ODAD2: variants seen among roughly 807,000 people sequenced by gnomAD.
ODAD2 encodes the protein outer dynein arm-docking complex subunit 2.
ODAD2 carries 89 observed loss-of-function variants against 106.8 expected under a neutral mutation model. That is an observed-to-expected ratio of 0.83 (90% confidence interval 0.70 to 0.99). ODAD2 has a LOEUF of 0.99. ODAD2 is among the 50% of genes least tolerant of loss of function. The probability of loss-of-function intolerance (pLI) is 0.00; values close to 1 mark genes in which losing one functional copy is unlikely to be tolerated. For missense variants in ODAD2, 1,168 were observed against 1,238.5 expected (o/e 0.94, Z 0.85); for synonymous variants, 404 against 436.2 (o/e 0.93, Z 0.92).
At chr10:27,985,535 C>G (rs1849825432) in intron 3 of ODAD2, among the ~76,000 whole-genome samples, 1 of 152,096 alleles carries the variant, frequency 6.6e-6, no homozygotes, top group African/African-American at 2.4e-5. Context: ...TCAATTAATA[C>G]ATTCAGAATT....
At chr10:27,966,871 T>A (rs983132455) in intron 9 of ODAD2, among the ~76,000 whole-genome samples, 1 of 150,906 alleles carries the variant, frequency 6.6e-6, no homozygotes, top group Non-Finnish European at 1.5e-5. Context: ...ATCTGGATAT[T>A]GTATATAAAA....
intron 16 of ODAD2, among the ~76,000 whole-genome samples, chr10:27,918,893 TG>T (rs1190539173): frequency 6.7e-6 from 1 of 149,852 alleles, no homozygotes; most frequent in Non-Finnish European, 1.5e-5. Context: ...AAATTAATTA[TG>T]TATCCATTAC....
At chr10:27,910,508 C>T (rs1332743104) in intron 16 of ODAD2, among the ~76,000 whole-genome samples, 2 of 152,150 alleles carry the variant, frequency 1.3e-5, no homozygotes, top group African/African-American at 4.8e-5. Flanking sequence ...GTAATCCTAA[C>T]ACTTTGGGAG....
At chr10:27,906,400 T>TA (rs1843590153) in intron 17 of ODAD2, among the ~76,000 whole-genome samples, 3 of 152,306 alleles carry the variant, frequency 2.0e-5, no homozygotes, top group Admixed American at 2.0e-4. Flanking sequence ...GGAATGCTTT[T>TA]ACACTGTTGG....
At chr10:27,821,982 G>T (rs2132873573) in intron 19 of ODAD2, among the ~76,000 whole-genome samples, 1 of 152,262 alleles carries the variant, frequency 6.6e-6, no homozygotes, top group South Asian at 2.1e-4. Flanking sequence ...TAACTGCACA[G>T]AGCACTTTAA....
intron 3 of ODAD2, among the ~76,000 whole-genome samples, chr10:27,986,279 G>A (rs912012578): frequency 6.6e-6 from 1 of 152,152 alleles, no homozygotes; most frequent in African/African-American, 2.4e-5. Flanking sequence ...GCATAAACCT[G>A]ACTACCAAAT....
intron 16 of ODAD2, among the ~76,000 whole-genome samples, chr10:27,909,592 C>A (rs1843846435): frequency 1.3e-5 from 2 of 151,912 alleles, no homozygotes; most frequent in South Asian, 4.1e-4. Context: ...CGAAGGCAGG[C>A]AGATCACTTG....
intron 10 of ODAD2, among the ~76,000 whole-genome samples, chr10:27,947,131 G>A (rs192287760): frequency 1.1e-3 from 169 of 152,144 alleles, no homozygotes; most frequent in African/African-American, 3.6e-3. Context: ...AAAAGTTACC[G>A]CCACCAATAC....
intron 19 of ODAD2, among the ~76,000 whole-genome samples, chr10:27,848,510 A>T (rs2133197521): frequency 6.7e-6 from 1 of 148,456 alleles, no homozygotes; most frequent in Admixed American, 6.8e-5. Flanking sequence ...CAAGGACTTC[A>T]TGTCTAAAAC....
chr10:27,965,708 C>T (rs1347141552), intron 9 of ODAD2, among the ~76,000 whole-genome samples: 3 of 152,158 alleles, frequency 2.0e-5, no homozygotes, highest in African/African-American at 7.2e-5. Context: ...TATTGACACC[C>T]TACACAGTGC....
intron 17 of ODAD2, among the ~76,000 whole-genome samples, chr10:27,882,500 C>T (rs954976542): frequency 1.4e-4 from 22 of 152,076 alleles, no homozygotes; most frequent in Non-Finnish European, 2.8e-4. Context: ...ATCTTATCCT[C>T]CATAACAAAA....
intron 19 of ODAD2, among the ~76,000 whole-genome samples, chr10:27,856,363 T>C (rs1289238475): frequency 6.6e-6 from 1 of 152,178 alleles, no homozygotes; most frequent in East Asian, 1.9e-4. Context: ...TGTTGACCTC[T>C]TACCAGTATT....
At chr10:27,992,377 G>T (rs1187510665) in intron 2 of ODAD2, among the ~76,000 whole-genome samples, 1 of 152,156 alleles carries the variant, frequency 6.6e-6, no homozygotes, top group Non-Finnish European at 1.5e-5. Flanking sequence ...CTTCTCAGGA[G>T]GGAACACTGT....
At chr10:27,867,116 T>C (rs568728499) in intron 17 of ODAD2, among the ~76,000 whole-genome samples, 46 of 152,122 alleles carry the variant, frequency 3.0e-4, no homozygotes, top group South Asian at 1.5e-3. Flanking sequence ...TACACCATAG[T>C]AGGTGAACAA....
At chr10:27,985,347 T>G (rs1849815781) in intron 3 of ODAD2, 136 bp from the exon 4 acceptor site, 1 of 691,570 alleles carries the variant, frequency 1.4e-6, no homozygotes, top group Admixed American at 3.1e-5. Flanking sequence ...AACGACCCAA[T>G]TAGAATTCAT....
Position 27,872,953 on chromosome 10 carries a change from C to T in ODAD2, c.2611-10331G>A, listed in dbSNP as rs576597631. ...ATGGTCCCCGCTCCTCCTTGTACTTCTGGTAGCATTCGGCTATGAATCCCT... is the reference window on the plus strand; with the variant it reads ...ATGGTCCCCGCTCCTCCTTGTACTTTTGGTAGCATTCGGCTATGAATCCCT... On this transcript the variant is annotated intron_variant, in intron 17 of 19. Transcript: ENST00000305242. 2.8e-4 allele frequency among the ~76,000 whole-genome samples: 43 copies of T among 152,266 alleles called. No homozygotes were observed. The South Asian group carries it at 5.4e-3, about 19-fold the overall frequency.
At chr10:27,828,026 A>G (rs189785013) in intron 19 of ODAD2, among the ~76,000 whole-genome samples, 1 of 152,376 alleles carries the variant, frequency 6.6e-6, no homozygotes, top group Non-Finnish European at 1.5e-5. Context: ...CCATGAAATC[A>G]TAGAAACCAG....
intron 19 of ODAD2, among the ~76,000 whole-genome samples, chr10:27,822,973 T>C (rs1457959178): frequency 6.6e-6 from 1 of 152,126 alleles, no homozygotes; most frequent in Non-Finnish European, 1.5e-5. Context: ...GCACATTGGG[T>C]CTATAGTATT....
chr10:27,998,819 C>G (rs896022891), intron 1 of ODAD2, among the ~76,000 whole-genome samples, 175 bp downstream of exon 1: 25 of 152,130 alleles, frequency 1.6e-4, no homozygotes, highest in Non-Finnish European at 2.5e-4. Context: ...CACCCTGCCC[C>G]CCGCAGTCGG....
Sources: allele counts gnomAD v4.1 joint callset (sites outside exome capture counted in the v4.1 genomes callset), GRCh38; gene constraint gnomAD v4.1.1; transcripts MANE v1.5; gene names NCBI Gene and HGNC (gene_info 2026-07-23, HGNC 2026-07-21).